Variants in ZNF559 observed in about 807,000 individuals in gnomAD.
ZNF559 encodes the protein zinc finger protein 559.
A neutral mutation model predicts 14.2 loss-of-function variants in ZNF559; 17 were observed. That is an observed-to-expected ratio of 1.20 (90% CI 0.82 to 1.80). The LOEUF (loss-of-function observed/expected upper bound fraction) is 1.80. Ranked by LOEUF, ZNF559 falls within the 40% of genes most tolerant of loss-of-function variation. The pLI is 0.00. For synonymous variants in ZNF559, 244 were observed against 212.4 expected, an observed-to-expected ratio of 1.15 and a Z score of -1.29; for missense variants, 740 against 629.7, an observed-to-expected ratio of 1.18 and a Z score of -1.88.
chr19:9,330,657 C>G (rs1034458190), intron 2 of ZNF559, among the ~76,000 whole-genome samples: 1 of 152,098 alleles, frequency 6.6e-6, no homozygotes, highest in African/African-American at 2.4e-5. Context: ...TGTTCTTTAT[C>G]ATTTCAATCT....
rs1032094289 is a variant in ZNF559 at position 9,344,814 on chromosome 19, CTT to C, written c.*1748_*1749del. ...ATCTTTTTTCACTGTTGCTGAGAAT[CTT>C]TGGTTTGAATTATTGAGGCAGGTTC... On this transcript the variant is annotated 3_prime_UTR_variant, in exon 7 of 7. Coordinates refer to ENST00000603380, the MANE Select transcript of ZNF559 (RefSeq NM_032497.3). The C allele has an allele frequency of 7.9e-5, 12 of 152,138 alleles. No homozygotes were observed. Among genetic ancestry groups the C allele is most frequent in the African/African-American group, 2.9e-4 (12 of 41,430 alleles). 9.4% of individuals were successfully genotyped at this position (152,138 alleles called of 1,614,324 possible). A position where few individuals can be genotyped will look rare whatever the true frequency, so the allele number is the denominator to read the frequency against.
chr19:9,339,176 T>G lies in ZNF559; in HGVS notation c.34-17T>G, dbSNP rs376760275. 7.2e-5 allele frequency: 116 copies of G among 1,612,606 alleles called. No individual in the cohort carries two copies. Among genetic ancestry groups the G allele is most frequent in the Non-Finnish European group, 9.5e-5 (112 of 1,179,092 alleles). ...AGAACGTACTTGCCTGACGCCAGCA[T>G]GTGTGTGATGGTTTAGGACTCAGTG... On this transcript the variant is annotated splice_polypyrimidine_tract_variant and intron_variant, in intron 4 of 6. Coordinates refer to ENST00000603380, the MANE Select transcript of ZNF559 (RefSeq NM_032497.3).
In ZNF559 at chr19:9,342,104, A is replaced by G; in HGVS notation, c.653A>G (p.Tyr218Cys). The G allele has an allele frequency of 6.2e-7, 1 of 1,613,470 alleles. No homozygotes were observed. The highest frequency in any genetic ancestry group is 8.5e-7 in the Non-Finnish European group (1 of 1,179,834). ...GAGAGACCATATACTCATAAGGAGT[A>G]TGTCGAAACCTTTTCTCATTCTACA... The part of the protein sequence containing the change: ...GGERPYTHKE[Y>C]VETFSHSTAL... Residue 218 changes from tyrosine to cysteine, a missense_variant, in exon 7 of 7, where the codon TAT becomes TGT. Transcript: ENST00000603380.
rs2067617598 is a variant in ZNF559, at chr19:9,342,238, CAT to C, written c.789_790del (p.His263GlnfsTer2). 1 of 1,586,434 alleles carries C rather than the reference CAT, an allele frequency of 6.3e-7. No homozygotes were observed. Among genetic ancestry groups the C allele is most frequent in the Non-Finnish European group, 8.5e-7 (1 of 1,170,772 alleles). ...ATATCTTACTCAACATTTAAGAACT[CAT>C]AGTAGAGTGTTACCTATAGAACATA... The part of the protein sequence containing the change: ...SSYLTQHLRT[H>X]SRVLPIEHKK... On this transcript the variant is annotated frameshift_variant, in exon 7 of 7. Transcript: ENST00000603380. LOFTEE classifies it low-confidence loss of function (END_TRUNC).
At chr19:9,324,120 G>A, upstream of ZNF559, 3 of 1,527,028 alleles carry the variant, frequency 2.0e-6, no homozygotes, top group East Asian at 7.4e-5. Flanking sequence ...GGGAACCCGA[G>A]GCCCCGCCCC....
rs1347579340 is a variant in ZNF559 at position 9,341,128 on chromosome 19, T to C, written c.187T>C (p.Trp63Arg). The C allele has an allele frequency of 1.2e-6, 2 of 1,612,792 alleles. No individual in the cohort carries two copies. Among genetic ancestry groups the C allele is most frequent in the African/African-American group, 1.3e-5 (1 of 74,820 alleles). ...VDWESHINTK[W>R]SAPQQNFLQG... ...TTGGGAGAGTCATATTAATACCAAATGGTCAGCACCTCAGCAGAATTTTTT... is the reference window on the plus strand; with the variant it reads ...TTGGGAGAGTCATATTAATACCAAACGGTCAGCACCTCAGCAGAATTTTTT... The change falls in exon 6 of 7, where the codon TGG becomes CGG. Residue 63 changes from tryptophan to arginine, a missense_variant. Transcript: ENST00000603380.
intron 5 of ZNF559, 144 bp from the exon 6 acceptor site, chr19:9,340,958 T>C (rs2067546148): frequency 1.5e-6 from 1 of 681,412 alleles, no homozygotes; most frequent in Non-Finnish European, 2.5e-6. Flanking sequence ...AATTTCTCAA[T>C]TTATGTTTCC....
chr19:9,325,660 C>T (rs1166607108), intron 2 of ZNF559, among the ~76,000 whole-genome samples: 1 of 151,904 alleles, frequency 6.6e-6, no homozygotes, highest in Non-Finnish European at 1.5e-5. Context: ...GGCGTGGGCA[C>T]CTGTAATCCC....
Position 9,343,900 on chromosome 19 carries a change from G to A in ZNF559, c.*832G>A. Reference sequence around the variant, plus strand: ...TACAGATGGAACTCTTTATTATTGAGGAGTTCCACTCTTTCCCCCATTTGT... The same window carrying A: ...TACAGATGGAACTCTTTATTATTGAAGAGTTCCACTCTTTCCCCCATTTGT... On this transcript the variant is annotated 3_prime_UTR_variant, in exon 7 of 7. Transcript: ENST00000603380. 10 of 759,222 alleles carry A rather than the reference G, an allele frequency of 1.3e-5. No individual in the cohort carries two copies. Among genetic ancestry groups the A allele is most frequent in the African/African-American group, 1.9e-5 (1 of 52,610 alleles). The allele number at this position is 759,222 out of a possible 1,614,324, so 47.0% of individuals were successfully genotyped here. A position where few individuals can be genotyped will look rare whatever the true frequency, so the allele number is the denominator to read the frequency against.
intron 2 of ZNF559, among the ~76,000 whole-genome samples, chr19:9,333,947 A>G (rs1294692931): frequency 6.6e-6 from 1 of 151,312 alleles, no homozygotes; most frequent in Admixed American, 6.6e-5. Flanking sequence ...TAAATCTGCC[A>G]CTACACATAT....
At chr19:9,337,921 T>C in intron 3 of ZNF559, 63 bp downstream of exon 3, 1 of 1,535,604 alleles carries the variant, frequency 6.5e-7, no homozygotes, top group Non-Finnish European at 8.7e-7. Context: ...TACCCATAAG[T>C]TCAGACAGTG....
At chr19:9,341,289 T>A (rs2067567755) in intron 6 of ZNF559, 105 bp downstream of exon 6, 6 of 1,118,884 alleles carry the variant, frequency 5.4e-6, no homozygotes, top group Non-Finnish European at 8.1e-6. Flanking sequence ...TTGAGACTAG[T>A]GTTTTTCACC....
intron 5 of ZNF559, among the ~76,000 whole-genome samples, chr19:9,339,729 T>G (rs2067439645): frequency 6.6e-6 from 1 of 151,926 alleles, no homozygotes; most frequent in Non-Finnish European, 1.5e-5. Context: ...TCTTAGCTCT[T>G]AACATGGAAG....
chr19:9,337,809 G>A lies in ZNF559; in HGVS notation c.-106G>A. The A allele has an allele frequency of 6.9e-7, 1 of 1,451,596 alleles. No homozygotes were observed. Among genetic ancestry groups the A allele is most frequent in the African/African-American group, 1.4e-5 (1 of 70,656 alleles). The allele number at this position is 1,451,596 out of a possible 1,614,324, so 89.9% of individuals were successfully genotyped here. On this transcript the variant is annotated 5_prime_UTR_variant, in exon 3 of 7. It removes an upstream start codon present in the reference 5' UTR. Transcript: ENST00000603380. Reference sequence around the variant, plus strand: ...CATCTTCTGCAGAGAGATGGCTAATGAATGGCGCTTGATGACAGATGAGTA... The same window carrying A: ...CATCTTCTGCAGAGAGATGGCTAATAAATGGCGCTTGATGACAGATGAGTA...
chr19:9,327,068 A>T (rs1174711646), intron 2 of ZNF559, among the ~76,000 whole-genome samples: 2 of 152,174 alleles, frequency 1.3e-5, no homozygotes. Flanking sequence ...ATATCCTATC[A>T]GTAGTCACAT....
rs925249584 is a variant in ZNF559, at chr19:9,324,627, C to T, written c.-205-68C>T. 9.8e-5 allele frequency: 103 copies of T among 1,053,562 alleles called. 1 individual carries two copies. The highest frequency in any genetic ancestry group is 1.3e-4 in the Non-Finnish European group (99 of 756,530). 65.3% of individuals were successfully genotyped at this position (1,053,562 alleles called of 1,614,324 possible). A position where few individuals can be genotyped will look rare whatever the true frequency, so the allele number is the denominator to read the frequency against. On this transcript the variant is annotated intron_variant, in intron 1 of 6. Coordinates refer to ENST00000603380, the MANE Select transcript of ZNF559 (RefSeq NM_032497.3). ...AGGGCAACATAGGGAGACCCCCCCC[C>T]CCAACCATCTCTAATGGAAAAAAAA...
intron 2 of ZNF559, among the ~76,000 whole-genome samples, chr19:9,337,329 C>T (rs2067293610): frequency 6.6e-6 from 1 of 152,202 alleles, no homozygotes; most frequent in African/African-American, 2.4e-5. Flanking sequence ...AATAGCTCAA[C>T]CATAGAAAAA....
chr19:9,342,692 G>A lies in ZNF559; in HGVS notation c.1241G>A (p.Cys414Tyr). The A allele has an allele frequency of 6.2e-7, 1 of 1,614,196 alleles. No homozygotes were observed. The highest frequency in any genetic ancestry group is 2.2e-5 in the East Asian group (1 of 44,880). The change falls in exon 7 of 7, where the codon TGT becomes TAT. Residue 414 changes from cysteine (C) to tyrosine (Y), a missense_variant. Coordinates refer to ENST00000603380, the MANE Select transcript of ZNF559 (RefSeq NM_032497.3). ...PGVKPYDCQQ[C>Y]GKAFIRSSFL... The stretch of plus-strand genomic sequence containing the variant: ...GTAAAACCCTATGACTGTCAACAGT[G>A]TGGGAAAGCCTTCATTCGATCCTCA...
At chr19:9,338,404 A>C in intron 3 of ZNF559, 90 bp from the exon 4 acceptor site, 1 of 896,382 alleles carries the variant, frequency 1.1e-6, no homozygotes, top group Admixed American at 2.3e-5. Context: ...GTGTGTGTCC[A>C]CTTAGCATTA....
Sources: allele counts gnomAD v4.1 joint callset (sites outside exome capture counted in the v4.1 genomes callset), GRCh38; gene constraint gnomAD v4.1.1; transcripts MANE v1.5; gene names NCBI Gene and HGNC (gene_info 2026-07-23, HGNC 2026-07-21).